SHANK1: variants seen among roughly 807,000 people sequenced by gnomAD.
The protein encoded by SHANK1 is SH3 and multiple ankyrin repeat domains protein 1.
A neutral mutation model predicts 165.6 loss-of-function variants in SHANK1; 35 were observed. The observed-to-expected ratio is 0.21, with a 90% CI of 0.16 to 0.28. The LOEUF (loss-of-function observed/expected upper bound fraction) is 0.28. Ranked by LOEUF, SHANK1 falls within the 10% of genes least tolerant of loss-of-function variation. The pLI, the probability that SHANK1 is intolerant of heterozygous loss-of-function variation, is 1.00. For synonymous variants in SHANK1, 1,428 were observed against 1,384.8 expected (o/e 1.03, Z -0.69); for missense variants, 2,681 against 3,036.4 (o/e 0.88, Z 2.75).
rs763564024 is a variant in SHANK1 at position 50,667,930 on chromosome 19, C to G, written c.4030G>C (p.Gly1344Arg). Residue 1344 changes from glycine (G) to arginine (R), a missense_variant, in exon 23 of 24, where the codon GGC becomes CGC. Around this residue, in one of 10 missense-constraint regions of SHANK1, gnomAD observed 1,713 missense variants for 1,630.2 expected, o/e 1.05. Coordinates refer to ENST00000293441, the MANE Select transcript of SHANK1 (RefSeq NM_016148.5). The surrounding 1 kb of genome is among the most constrained non-coding windows in gnomAD (Gnocchi z 5.7). ...PPRPLVHPLT[G>R]KALDPASPLG... ...GGGGAGGCGGGATCCAGGGCCTTGCCGGTCAGCGGGTGCACCAGGGGTCGC... is the reference window on the plus strand; with the variant it reads ...GGGGAGGCGGGATCCAGGGCCTTGCGGGTCAGCGGGTGCACCAGGGGTCGC... 5.8e-6 allele frequency: 8 copies of G among 1,368,130 alleles called. No homozygotes were observed. In the Admixed American group the frequency reaches 1.8e-4, roughly 31 times the overall value. 84.7% of individuals were successfully genotyped at this position (1,368,130 alleles called of 1,614,324 possible).
At chr19:50,693,383 C>T (rs575538332) in intron 15 of SHANK1, among the ~76,000 whole-genome samples, 1 of 150,074 alleles carries the variant, frequency 6.7e-6, no homozygotes, top group Non-Finnish European at 1.5e-5. Flanking sequence ...CTCCCCCTTG[C>T]CCCCCATCTT....
chr19:50,660,651 C>T lies in SHANK1; in HGVS notation c.*1314G>A, dbSNP rs112389439. 0.05 allele frequency among the ~76,000 whole-genome samples: 7,258 copies of T among 144,680 alleles called. 222 individuals are homozygous for T. Among genetic ancestry groups the T allele is most frequent in the South Asian group, 0.084 (388 of 4,610 alleles). The allele number at this position is 144,680 out of a possible 152,430, so 94.9% of individuals were successfully genotyped here. On this transcript the variant is annotated 3_prime_UTR_variant, in exon 24 of 24. Coordinates refer to ENST00000293441, the MANE Select transcript of SHANK1 (RefSeq NM_016148.5). ...GGTAGAAAAGACAAGATGCGGTGTG[C>T]AGCCATGTCATGGTGCGCAAGAACA...
rs199914957 is a variant in SHANK1, at chr19:50,686,333, G to C, written c.2481C>G (p.Ala827=). Residue 827 remains alanine, a synonymous_variant, in exon 21 of 24, where the codon GCC becomes GCG. Transcript: ENST00000293441. This position sits in a 1 kb window ranked among gnomAD's most constrained non-coding sequence, Gnocchi z 5.7. ...MALNKLDEIL[A]AAQQTISASE... ...TTGCACTGATGGTCTGTTGAGCTGC[G>C]GCCAGGATTTCGTCCAGTTTGTCTA... 1.0e-5 allele frequency: 16 copies of C among 1,601,706 alleles called. No individual in the cohort carries two copies. Among genetic ancestry groups the C allele is most frequent in the Non-Finnish European group, 1.4e-5 (16 of 1,174,002 alleles).
At chr19:50,689,460 C>A in intron 15 of SHANK1, 181 bp from the exon 16 acceptor site, 1 of 699,846 alleles carries the variant, frequency 1.4e-6, no homozygotes, top group Non-Finnish European at 2.6e-6. Flanking sequence ...GATGGGCTTC[C>A]CCCTCAGAGC....
At chr19:50,664,820 T>A (rs1024649697) in intron 23 of SHANK1, among the ~76,000 whole-genome samples, 2 of 152,176 alleles carry the variant, frequency 1.3e-5, no homozygotes, top group African/African-American at 4.8e-5. Flanking sequence ...AGTGGTGCAA[T>A]CTTGGCTCAC....
At position 50,667,505 on chromosome 19, in the gene SHANK1, G is replaced by T; in HGVS notation, c.4455C>A (p.Pro1485=). 1 of 1,521,822 alleles carries T rather than the reference G, an allele frequency of 6.6e-7. No individual in the cohort carries two copies. The highest frequency in any genetic ancestry group is 8.7e-7 in the Non-Finnish European group (1 of 1,147,526). 94.3% of individuals were successfully genotyped at this position (1,521,822 alleles called of 1,614,324 possible). The change falls in exon 23 of 24, where the codon CCC becomes CCA. Residue 1485 remains proline (P), a synonymous_variant. Transcript: ENST00000293441. This position sits in a 1 kb window ranked among gnomAD's most constrained non-coding sequence, Gnocchi z 5.7. ...KPWRSAAPEE[P]ERLPLHVRFL... The stretch of plus-strand genomic sequence containing the variant: ...ACCGCACGTGCAGCGGCAGCCGCTC[G>T]GGTTCTTCGGGGGCTGCGGACCTCC...
intron 3 of SHANK1, 34 bp from the exon 4 acceptor site, chr19:50,715,764 A>G: frequency 1.3e-6 from 2 of 1,592,304 alleles, no homozygotes; most frequent in South Asian, 1.1e-5. Flanking sequence ...AGAGAGACAC[A>G]GAGACTTGGA....
In SHANK1 at chr19:50,718,064, A is replaced by G. The variant is rs1479494723; in HGVS notation, c.-43-1102T>C. Among the ~76,000 whole-genome samples, 3 of 151,910 alleles carry G rather than the reference A, an allele frequency of 2.0e-5. No homozygotes were observed. Among genetic ancestry groups the G allele is most frequent in the Non-Finnish European group, 4.4e-5 (3 of 67,960 alleles). On this transcript the variant is annotated intron_variant, in intron 1 of 23. Transcript: ENST00000293441. The surrounding 1 kb of genome is among the most constrained non-coding windows in gnomAD (Gnocchi z 5.1). ...CCCCAACACCAGGCCCGGTTCCTGC[A>G]CCGTTGCCATGGAGATGGGAAGCAG... is the stretch of plus-strand genomic sequence containing the variant.
Position 50,697,495 on chromosome 19 carries a change from A to T in SHANK1, c.1937+94T>A. The stretch of plus-strand genomic sequence containing the variant: ...CAAACTTGAGAAGGAACAGATTAGA[A>T]AGGGGGCTTAGAGGTGATGGAAATA... On this transcript the variant is annotated intron_variant, in intron 14 of 23. Coordinates refer to ENST00000293441, the MANE Select transcript of SHANK1 (RefSeq NM_016148.5). The surrounding 1 kb of genome is among the most constrained non-coding windows in gnomAD (Gnocchi z 4.7). 2.0e-6 allele frequency: 2 copies of T among 1,019,456 alleles called. No homozygotes were observed. Among genetic ancestry groups the T allele is most frequent in the Non-Finnish European group, 3.1e-6 (2 of 640,694 alleles). 63.2% of individuals were successfully genotyped at this position (1,019,456 alleles called of 1,614,324 possible). A position where few individuals can be genotyped will look rare whatever the true frequency, so the allele number is the denominator to read the frequency against.
chr19:50,672,492 G>T (rs1485629733), intron 21 of SHANK1, among the ~76,000 whole-genome samples: 1 of 141,784 alleles, frequency 7.1e-6, no homozygotes, highest in Non-Finnish European at 1.5e-5. Context: ...AGAGGTGGAG[G>T]CTACAGTGAG....
chr19:50,681,481 T>C (rs1032601291), intron 21 of SHANK1, among the ~76,000 whole-genome samples: 2 of 151,568 alleles, frequency 1.3e-5, no homozygotes, highest in African/African-American at 4.9e-5. Flanking sequence ...CCTCTGGGGG[T>C]GGAGGTCTTT....
Position 50,719,401 on chromosome 19 carries a change from C to G in SHANK1, c.-44+5G>C, listed in dbSNP as rs1380125086. The G allele has an allele frequency of 6.6e-6, 1 of 150,780 alleles. No homozygotes were observed. Among genetic ancestry groups the G allele is most frequent in the Non-Finnish European group, 1.5e-5 (1 of 67,408 alleles). 9.3% of individuals were successfully genotyped at this position (150,780 alleles called of 1,614,324 possible). ...CCCAAACCCCCAGGTTCTCGACCCCCTTACCTGCCTGGCGGGGCTGCTGAG... is the reference window on the plus strand; with the variant it reads ...CCCAAACCCCCAGGTTCTCGACCCCGTTACCTGCCTGGCGGGGCTGCTGAG... On this transcript the variant is annotated splice_donor_5th_base_variant and intron_variant, in intron 1 of 23. Transcript: ENST00000293441.
chr19:50,678,468 T>A (rs1009964391), intron 21 of SHANK1, among the ~76,000 whole-genome samples: 4 of 147,534 alleles, frequency 2.7e-5, no homozygotes, highest in Middle Eastern at 3.5e-3. Flanking sequence ...CAGGTGAGGG[T>A]GAAGGTGATG....
chr19:50,693,996 G>A (rs538236420), intron 15 of SHANK1, among the ~76,000 whole-genome samples: 6 of 148,508 alleles, frequency 4.0e-5, no homozygotes, highest in African/African-American at 1.5e-4. Flanking sequence ...GCAGTCCCTG[G>A]GACAGACCCA....
Position 50,659,548 on chromosome 19 carries a change from C to T in SHANK1, c.*2417G>A, listed in dbSNP as rs1322606400. Among the ~76,000 whole-genome samples, 1 of 150,384 alleles carries T rather than the reference C, an allele frequency of 6.6e-6. No homozygotes were observed. The highest frequency in any genetic ancestry group is 2.4e-5 in the African/African-American group (1 of 40,974). On this transcript the variant is annotated 3_prime_UTR_variant, in exon 24 of 24. Coordinates refer to ENST00000293441, the MANE Select transcript of SHANK1 (RefSeq NM_016148.5). ...GAGAATCAGACGTCCTCATCCGCCC[C>T]CCTCCTCTTCCCCTCCCACCCCCCC...
At chr19:50,664,346 G>A (rs1381587118) in intron 23 of SHANK1, among the ~76,000 whole-genome samples, 6 of 152,146 alleles carry the variant, frequency 3.9e-5, no homozygotes, top group Non-Finnish European at 7.4e-5. Flanking sequence ...GGTCTTGAAT[G>A]GGCTCGAATT....
chr19:50,687,944 C>T lies in SHANK1; in HGVS notation c.2287G>A (p.Asp763Asn). The T allele has an allele frequency of 1.9e-6, 3 of 1,614,074 alleles. No homozygotes were observed. The highest frequency in any genetic ancestry group is 2.5e-6 in the Non-Finnish European group (3 of 1,179,972). ...GCACCTTTCTTGTGCACTGCCTCAT[C>T]CATGTCCGGGTGCCTGGTGACCATC... ...VVMVTRHPDM[D>N]EAVHKKAPQQ... The change falls in exon 18 of 24, where the codon GAT becomes AAT. Residue 763 changes from aspartate to asparagine, a missense_variant. Physicochemically the swap from Asp to Asn is conservative, Grantham distance 23. This residue lies in a region of SHANK1 where 206 missense variants were observed against 216.0 expected (regional missense o/e 0.95). Transcript: ENST00000293441.
At chr19:50,708,393 G>A (rs1324657990) in intron 8 of SHANK1, among the ~76,000 whole-genome samples, 1 of 152,126 alleles carries the variant, frequency 6.6e-6, no homozygotes, top group African/African-American at 2.4e-5. Context: ...GGCACCAAGA[G>A]AAACTCGCAT....
At chr19:50,687,701 G>T (rs756881744) in intron 18 of SHANK1, 39 bp from the exon 19 acceptor site, 6 of 1,441,276 alleles carry the variant, frequency 4.2e-6, no homozygotes, top group Admixed American at 5.3e-5. Flanking sequence ...TATCATGGGG[G>T]AGATGCCCCC....
Sources: allele counts gnomAD v4.1 joint callset (sites outside exome capture counted in the v4.1 genomes callset), GRCh38; gene constraint gnomAD v4.1.1; regional missense constraint gnomAD v4.1.1; non-coding constraint Gnocchi (gnomAD v3.1); transcripts MANE v1.5; gene names NCBI Gene and HGNC (gene_info 2026-07-23, HGNC 2026-07-21).